WNK2: variants seen among roughly 807,000 people sequenced by gnomAD.
WNK2 encodes WNK lysine deficient protein kinase 2.
WNK2 carries 67 observed loss-of-function variants against 192.1 expected under a neutral mutation model. The ratio of observed to expected loss-of-function variants is 0.35; its 90% CI spans 0.29 to 0.43. The LOEUF is 0.43. WNK2 is among the 20% of genes least tolerant of loss of function. The pLI, the probability that WNK2 is intolerant of heterozygous loss-of-function variation, is 1.00. For synonymous variants in WNK2, 1,439 were observed against 1,393.9 expected, an observed-to-expected ratio of 1.03 and a Z score of -0.72; for missense variants, 2,698 against 3,089.7, an observed-to-expected ratio of 0.87 and a Z score of 3.01.
intron 7 of WNK2, among the ~76,000 whole-genome samples, chr9:93,241,110 C>T (rs368125653): frequency 2.6e-3 from 403 of 152,364 alleles, no homozygotes; most frequent in African/African-American, 9.1e-3. Flanking sequence ...GGGAGGGCCC[C>T]AGGGCCAACA....
Position 93,264,017 on chromosome 9 carries a change from A to G in WNK2, c.3680A>G (p.Glu1227Gly). The G allele has an allele frequency of 6.2e-7, 1 of 1,612,904 alleles. No homozygotes were observed. The change falls in exon 16 of 30, where the codon GAA becomes GGA. Residue 1227 changes from glutamate (E) to glycine (G), a missense_variant. Around this residue, in one of 7 missense-constraint regions of WNK2, gnomAD observed 21 missense variants for 53.2 expected, o/e 0.39. Coordinates refer to ENST00000427277, the MANE Select transcript of WNK2 (RefSeq NM_006648.4). ...GACTTGGACGGGGACGCACCCGATGAAATTGCCACGTATATGGTGAGGCTG... is the reference window on the plus strand; with the variant it reads ...GACTTGGACGGGGACGCACCCGATGGAATTGCCACGTATATGGTGAGGCTG... ...KFDLDGDAPD[E>G]IATYMVEHDF...
Position 93,268,745 on chromosome 9 carries a change from A to C in WNK2, c.4032A>C (p.Gln1344His), listed in dbSNP as rs1307743988. The change falls in exon 19 of 30, where the codon CAA (glutamine) becomes CAC (histidine). Residue 1344 changes from glutamine to histidine, a missense_variant and splice_region_variant. Coordinates refer to ENST00000427277, the MANE Select transcript of WNK2 (RefSeq NM_006648.4). ...GCTCCCTGCCGCCAGAAGCCAGCCAAGGTATGAGCAGCAGGCGCCCACACA... is the reference window on the plus strand; with the variant it reads ...GCTCCCTGCCGCCAGAAGCCAGCCACGGTATGAGCAGCAGGCGCCCACACA... The part of the protein sequence containing the change: ...PLSSLPPEAS[Q>H]DSAPYKDQLS... 6.2e-7 allele frequency: 1 copy of C among 1,611,616 alleles called. No individual in the cohort carries two copies. The highest frequency in any genetic ancestry group is 8.5e-7 in the Non-Finnish European group (1 of 1,179,322).
intron 19 of WNK2, among the ~76,000 whole-genome samples, chr9:93,271,268 T>G (rs1564140166): frequency 6.6e-6 from 1 of 152,248 alleles, no homozygotes; most frequent in Non-Finnish European, 1.5e-5. Context: ...GTTGATTGCC[T>G]ACTGAAGCAA....
At chr9:93,319,083 AGTG>A in intron 29 of WNK2, 1 of 1,613,374 alleles carries the variant, frequency 6.2e-7, no homozygotes, top group Non-Finnish European at 8.5e-7. Flanking sequence ...CCTTGAGTGA[AGTG>A]GGGGCTGCCC....
Position 93,185,472 on chromosome 9 carries a change from C to T in WNK2, c.543C>T (p.Asp181=). ...CCGAAGAGGAGGAGGACGACGAGGA[C>T]GACCTCAAGGCCGTGGCCACCTCTC... ...DEPEEEEDDE[D]DLKAVATSLD... The change falls in exon 2 of 30, where the codon GAC becomes GAT. Residue 181 remains aspartate (D), a synonymous_variant. Coordinates refer to ENST00000427277, the MANE Select transcript of WNK2 (RefSeq NM_006648.4). The T allele has an allele frequency of 6.2e-7, 1 of 1,612,704 alleles. No individual in the cohort carries two copies. Among genetic ancestry groups the T allele is most frequent in the South Asian group, 1.1e-5 (1 of 91,062 alleles).
chr9:93,230,782 A>G (rs1838654356), intron 3 of WNK2, 106 bp from the exon 4 acceptor site: 1 of 1,023,870 alleles, frequency 9.8e-7, no homozygotes, highest in Admixed American at 2.3e-5. Flanking sequence ...TGCCGTGTGC[A>G]CGGGAATGGA....
Position 93,257,997 on chromosome 9 carries a change from T to G in WNK2, c.2382+858T>G, listed in dbSNP as rs1843586230. Among the ~76,000 whole-genome samples, 1 of 152,110 alleles carries G rather than the reference T, an allele frequency of 6.6e-6. No individual in the cohort carries two copies. ...TCACTCTAAAGATGGGGCAAGTGAG[T>G]GTTCCTGTGATTCACGAGCCCCACC... is the stretch of plus-strand genomic sequence containing the variant. On this transcript the variant is annotated intron_variant, in intron 11 of 29. Coordinates refer to ENST00000427277, the MANE Select transcript of WNK2 (RefSeq NM_006648.4). The surrounding 1 kb of genome is among the most constrained non-coding windows in gnomAD (Gnocchi z 4.7).
At position 93,252,996 on chromosome 9, in the gene WNK2, T is replaced by C; in HGVS notation, c.1948T>C (p.Cys650Arg). The C allele has an allele frequency of 1.3e-6, 2 of 1,564,260 alleles. No individual in the cohort carries two copies. Among genetic ancestry groups the C allele is most frequent in the Non-Finnish European group, 1.7e-6 (2 of 1,155,870 alleles). Residue 650 changes from cysteine (C) to arginine (R), a missense_variant, in exon 9 of 30, where the codon TGT (cysteine) becomes CGT (arginine). Physicochemically the swap from Cys to Arg is radical, Grantham distance 180 (BLOSUM62 -3). Transcript: ENST00000427277. ...CGACGCAGCGCCGTCCCCGGCCCAGTGTGTGTGCAGCCCCCCTGTGAGCGA... is the reference window on the plus strand; with the variant it reads ...CGACGCAGCGCCGTCCCCGGCCCAGCGTGTGTGCAGCCCCCCTGTGAGCGA... ...LADAAPSPAQ[C>R]VCSPPVSEGP...
At chr9:93,283,823 C>T (rs952207544) in intron 19 of WNK2, among the ~76,000 whole-genome samples, 1 of 152,190 alleles carries the variant, frequency 6.6e-6, no homozygotes, top group Non-Finnish European at 1.5e-5. Flanking sequence ...AAATTGCAGG[C>T]ATAGCCCTGG....
chr9:93,278,419 G>T (rs909162916), intron 19 of WNK2, among the ~76,000 whole-genome samples: 1 of 152,184 alleles, frequency 6.6e-6, no homozygotes. Context: ...ACACAGGCCT[G>T]GGAATGTCTG....
intron 2 of WNK2, 35 bp downstream of exon 2, chr9:93,185,645 A>G (rs1250621254): frequency 1.3e-6 from 2 of 1,588,256 alleles, no homozygotes; most frequent in Non-Finnish European, 1.7e-6. Context: ...GGCTTTCCGC[A>G]GGGTCTGTCC....
At chr9:93,298,218 G>C (rs1850947098) in intron 24 of WNK2, among the ~76,000 whole-genome samples, 151 bp downstream of exon 24, 1 of 152,226 alleles carries the variant, frequency 6.6e-6, no homozygotes, top group Non-Finnish European at 1.5e-5. Context: ...CTGGAGCAGG[G>C]GAGTCATTGC....
chr9:93,186,778 A>G (rs1005568122), intron 2 of WNK2, among the ~76,000 whole-genome samples: 4 of 152,208 alleles, frequency 2.6e-5, no homozygotes, highest in African/African-American at 9.7e-5. Flanking sequence ...CTCCCAAGAC[A>G]AAGAGCTCCA....
chr9:93,240,932 A>G (rs1189898410), intron 7 of WNK2, among the ~76,000 whole-genome samples: 2 of 152,252 alleles, frequency 1.3e-5, no homozygotes, highest in African/African-American at 4.8e-5. Flanking sequence ...TGAACAATGC[A>G]GGACGTTTCT....
At chr9:93,221,230 T>C (rs1279586315) in intron 2 of WNK2, among the ~76,000 whole-genome samples, 1 of 152,228 alleles carries the variant, frequency 6.6e-6, no homozygotes, top group African/African-American at 2.4e-5. Flanking sequence ...CTCCCCTTGC[T>C]GCTGGCTCTT....
chr9:93,295,683 C>T (rs1376466400), intron 23 of WNK2, among the ~76,000 whole-genome samples: 2 of 151,830 alleles, frequency 1.3e-5, no homozygotes, highest in Non-Finnish European at 2.9e-5. Context: ...CAGCTCCACT[C>T]CCCATCCTCT....
At chr9:93,312,142 TC>T (rs201261756) in intron 28 of WNK2, among the ~76,000 whole-genome samples, 1,586 of 152,346 alleles carry the variant, frequency 0.01, 27 homozygotes, top group East Asian at 0.052. Flanking sequence ...TTAGGAATTT[TC>T]TGCATAATCC....
chr9:93,258,817 G>C (rs765092263), intron 11 of WNK2, 114 bp from the exon 12 acceptor site: 10 of 911,156 alleles, frequency 1.1e-5, no homozygotes, highest in East Asian at 5.2e-5. Flanking sequence ...GGGTCATGCT[G>C]TCTTCATCCC....
At chr9:93,252,467 C>T (rs1284450721) in intron 8 of WNK2, among the ~76,000 whole-genome samples, 4 of 152,246 alleles carry the variant, frequency 2.6e-5, no homozygotes, top group African/African-American at 7.2e-5. Flanking sequence ...GAGACACCCT[C>T]GCCTCTTATA....
Sources: allele counts gnomAD v4.1 joint callset (sites outside exome capture counted in the v4.1 genomes callset), GRCh38; gene constraint gnomAD v4.1.1; regional missense constraint gnomAD v4.1.1; non-coding constraint Gnocchi (gnomAD v3.1); transcripts MANE v1.5; gene names NCBI Gene and HGNC (gene_info 2026-07-23, HGNC 2026-07-21).